The following CAMTA1 variants were observed in gnomAD, a reference collection of about 807,000 sequenced individuals.
CAMTA1 encodes the protein calmodulin-binding transcription activator 1.
Under a neutral mutation model 170.9 loss-of-function variants are expected in CAMTA1, and 27 were observed. The observed-to-expected ratio is 0.16, with a 90% CI of 0.12 to 0.22. CAMTA1 has a LOEUF of 0.22. Among genes scored for constraint, CAMTA1 ranks in the 10% least tolerant of loss-of-function variants. The pLI is 1.00. For synonymous variants in CAMTA1, 833 were observed against 891.5 expected, an observed-to-expected ratio of 0.93 and a Z score of 1.17; for missense variants, 1,619 against 2,217.2, an observed-to-expected ratio of 0.73 and a Z score of 5.42.
chr1:7,214,137 G>C (rs919250269), intron 4 of CAMTA1, among the ~76,000 whole-genome samples: 3 of 152,152 alleles, frequency 2.0e-5, no homozygotes, highest in Admixed American at 6.5e-5. Context: ...AATGGGATGG[G>C]TGGGTCAAAT....
intron 1 of CAMTA1, among the ~76,000 whole-genome samples, chr1:6,789,067 T>C (rs1640257228): frequency 6.6e-6 from 1 of 152,190 alleles, no homozygotes; most frequent in Non-Finnish European, 1.5e-5. Context: ...TCCTTTGTCT[T>C]CTTGGAAACC....
intron 5 of CAMTA1, among the ~76,000 whole-genome samples, chr1:7,342,284 G>T (rs774631717): frequency 7.2e-5 from 11 of 152,122 alleles, no homozygotes; most frequent in Non-Finnish European, 1.0e-4. Context: ...AGAGCCCGGG[G>T]GTCCCCTGGG....
In CAMTA1 at chr1:7,402,260, C is replaced by T. The variant is rs374063147; in HGVS notation, c.439-65570C>T. ...AGGTCTCCAGCGGCTTTCCTCCACC[C>T]TCTCACACAGCCTCAGAAGACCCCT... is the stretch of plus-strand genomic sequence containing the variant. On this transcript the variant is annotated intron_variant, in intron 5 of 22. Transcript: ENST00000303635. 3.3e-5 allele frequency among the ~76,000 whole-genome samples: 5 copies of T among 152,338 alleles called. No individual in the cohort carries two copies. In the East Asian group the frequency reaches 9.6e-4, roughly 29 times the overall value.
At chr1:7,671,198 G>A (rs140410425) in intron 10 of CAMTA1, among the ~76,000 whole-genome samples, 161 bp downstream of exon 10, 8 of 152,300 alleles carry the variant, frequency 5.3e-5, no homozygotes, top group Non-Finnish European at 1.0e-4. Flanking sequence ...CTATTAGAAC[G>A]TCACCTCCTT....
At chr1:6,946,908 C>A (rs1687663860) in intron 3 of CAMTA1, among the ~76,000 whole-genome samples, 1 of 152,130 alleles carries the variant, frequency 6.6e-6, no homozygotes. Flanking sequence ...TAAAGATTTA[C>A]TTCTATGTTT....
intron 6 of CAMTA1, among the ~76,000 whole-genome samples, chr1:7,622,486 T>A (rs1176801700): frequency 1.3e-5 from 2 of 152,252 alleles, no homozygotes; most frequent in Non-Finnish European, 1.5e-5. Flanking sequence ...ACAGCTGACT[T>A]CATTATAACC....
intron 4 of CAMTA1, among the ~76,000 whole-genome samples, chr1:7,102,063 CA>C (rs1642806887): frequency 8.7e-6 from 1 of 114,470 alleles, no homozygotes; most frequent in African/African-American, 3.3e-5. Flanking sequence ...CACACACACA[CA>C]CACACAGCTT....
intron 3 of CAMTA1, among the ~76,000 whole-genome samples, chr1:7,059,093 C>G (rs1707822812): frequency 6.6e-6 from 1 of 152,344 alleles, no homozygotes; most frequent in Middle Eastern, 3.4e-3. Flanking sequence ...TCCATCCTCA[C>G]CAGGCTCCTT....
chr1:6,969,074 T>C (rs1206569254), intron 3 of CAMTA1, among the ~76,000 whole-genome samples: 1 of 151,994 alleles, frequency 6.6e-6, no homozygotes, highest in Non-Finnish European at 1.5e-5. Flanking sequence ...TTGTGGTGAG[T>C]GGACCAGAAG....
chr1:7,444,792 C>G (rs2092637297), intron 5 of CAMTA1, among the ~76,000 whole-genome samples: 1 of 152,170 alleles, frequency 6.6e-6, no homozygotes, highest in Non-Finnish European at 1.5e-5. Flanking sequence ...GGGGTTTCCC[C>G]CAACCCTCTA....
intron 6 of CAMTA1, among the ~76,000 whole-genome samples, chr1:7,602,080 TTTCCTTCCTTCC>T (rs757245897): frequency 0.02 from 1,454 of 71,054 alleles, 21 homozygotes; most frequent in Admixed American, 0.023. Context: ...TCCAATTTTC[TTTCCTTCCTTCC>T]TTCCTTCCTT....
At chr1:7,432,954 G>A (rs1377001552) in intron 5 of CAMTA1, among the ~76,000 whole-genome samples, 3 of 152,182 alleles carry the variant, frequency 2.0e-5, no homozygotes, top group Non-Finnish European at 2.9e-5. Context: ...TCTGCACCGG[G>A]GCCAGCCCCA....
chr1:7,755,698 T>C (rs377514591), intron 22 of CAMTA1, 30 bp downstream of exon 22: 3 of 1,608,276 alleles, frequency 1.9e-6, no homozygotes, highest in Non-Finnish European at 2.6e-6. Context: ...AGCCAGTTTC[T>C]CTTCTCTTCC....
rs1362730707 is a variant in CAMTA1, at chr1:7,745,920, C to A, written c.4446C>A (p.Ile1482=). The A allele has an allele frequency of 1.2e-6, 2 of 1,614,090 alleles. No homozygotes were observed. Among genetic ancestry groups the A allele is most frequent in the African/African-American group, 2.7e-5 (2 of 74,932 alleles). The change falls in exon 18 of 23, where the codon ATC becomes ATA. Residue 1482 remains isoleucine (I), a synonymous_variant. Transcript: ENST00000303635. ...CTGTTGGCTCTCCCGTCAGTGAAAT[C>A]GCTTTCGAGAAACCTAACCTTCCCT... The part of the protein sequence containing the change: ...LSPVGSPVSE[I]AFEKPNLPSA...
At chr1:6,837,724 T>TATAA (rs1337510659) in intron 3 of CAMTA1, among the ~76,000 whole-genome samples, 2 of 152,234 alleles carry the variant, frequency 1.3e-5, no homozygotes, top group African/African-American at 2.4e-5. Flanking sequence ...GAGCAAAATT[T>TATAA]AGACTTAACT....
chr1:7,151,335 G>T (rs1462172972), intron 4 of CAMTA1, among the ~76,000 whole-genome samples: 1 of 152,150 alleles, frequency 6.6e-6, no homozygotes, highest in African/African-American at 2.4e-5. Context: ...ATCTGGGCAG[G>T]CCTGGGGCCC....
chr1:7,461,525 C>T (rs1616122), intron 5 of CAMTA1, among the ~76,000 whole-genome samples: 76,002 of 152,130 alleles, frequency 0.5, 19,817 homozygotes, highest in Middle Eastern at 0.63. Flanking sequence ...AATTTGAATT[C>T]GAACAGCCGC....
intron 5 of CAMTA1, among the ~76,000 whole-genome samples, chr1:7,444,928 G>A (rs556835416): frequency 2.6e-5 from 4 of 152,134 alleles, no homozygotes; most frequent in Non-Finnish European, 1.5e-5. Context: ...AGTGTGACAT[G>A]TTCCTGCTTC....
At chr1:7,521,826 C>CA (rs2094369464) in intron 6 of CAMTA1, among the ~76,000 whole-genome samples, 1 of 152,164 alleles carries the variant, frequency 6.6e-6, no homozygotes, top group Non-Finnish European at 1.5e-5. Flanking sequence ...GGATTACAGG[C>CA]GTGAGCCACT....
Sources: allele counts gnomAD v4.1 joint callset (sites outside exome capture counted in the v4.1 genomes callset), GRCh38; gene constraint gnomAD v4.1.1; transcripts MANE v1.5; gene names NCBI Gene and HGNC (gene_info 2026-07-23, HGNC 2026-07-21).